VAT1L: variants seen among roughly 807,000 people sequenced by gnomAD.
The protein encoded by VAT1L is putative NADPH-dependent quinone oxidoreductase VAT1L.
VAT1L carries 34 observed loss-of-function variants against 44.1 expected under a neutral mutation model. The ratio of observed to expected loss-of-function variants is 0.77; its 90% confidence interval spans 0.59 to 1.03. The LOEUF (loss-of-function observed/expected upper bound fraction) is 1.03. VAT1L is among the 50% of genes least tolerant of loss of function. The pLI is 0.00. For synonymous variants in VAT1L, 253 were observed against 202.2 expected (o/e 1.25, Z -2.13); for missense variants, 615 against 538.8 (o/e 1.14, Z -1.40).
chr16:77,965,597 A>G (rs536788123), intron 7 of VAT1L, among the ~76,000 whole-genome samples: 1 of 152,296 alleles, frequency 6.6e-6, no homozygotes, highest in South Asian at 2.1e-4. Flanking sequence ...TCCAGCTGCC[A>G]AGACCAGATA....
At chr16:77,973,105 T>C (rs568337217) in intron 8 of VAT1L, among the ~76,000 whole-genome samples, 1 of 152,248 alleles carries the variant, frequency 6.6e-6, no homozygotes, top group South Asian at 2.1e-4. Flanking sequence ...GGAGGAACTA[T>C]GTAGTGGTGT....
chr16:77,864,494 T>C (rs2016949725), intron 4 of VAT1L, among the ~76,000 whole-genome samples: 1 of 152,130 alleles, frequency 6.6e-6, no homozygotes, highest in South Asian at 2.1e-4. Flanking sequence ...TAGTCTCAGC[T>C]ACTCAGAAGG....
At chr16:77,839,584 C>T (rs1007630352) in intron 3 of VAT1L, among the ~76,000 whole-genome samples, 19 of 69,232 alleles carry the variant, frequency 2.7e-4, no homozygotes, top group African/African-American at 1.1e-3. Context: ...TGGGCAAGAA[C>T]ATGAGACCTG....
At chr16:77,914,465 G>A (rs1025166520) in intron 7 of VAT1L, among the ~76,000 whole-genome samples, 8 of 152,142 alleles carry the variant, frequency 5.3e-5, no homozygotes, top group Admixed American at 5.2e-4. Flanking sequence ...ATCAGCAAAC[G>A]CTACAATCCG....
chr16:77,794,419 A>G (rs1381667007), intron 1 of VAT1L, among the ~76,000 whole-genome samples: 1 of 152,200 alleles, frequency 6.6e-6, no homozygotes, highest in Non-Finnish European at 1.5e-5. Flanking sequence ...CAGAACACCC[A>G]TGCTGATTAA....
chr16:77,926,818 C>A (rs2017674755), intron 7 of VAT1L, among the ~76,000 whole-genome samples: 1 of 152,140 alleles, frequency 6.6e-6, no homozygotes, highest in Non-Finnish European at 1.5e-5. Flanking sequence ...ATTCCGCTTG[C>A]AGTCTCCCTT....
At chr16:77,913,540 T>G (rs1174706605) in intron 7 of VAT1L, among the ~76,000 whole-genome samples, 1 of 151,804 alleles carries the variant, frequency 6.6e-6, no homozygotes, top group African/African-American at 2.4e-5. Context: ...CTATGATGCT[T>G]CCTTCAGTTG....
At position 77,862,741 on chromosome 16, in the gene VAT1L, C is replaced by T; in HGVS notation, c.580-7C>T. 1 of 1,610,820 alleles carries T rather than the reference C, an allele frequency of 6.2e-7. No homozygotes were observed. Among genetic ancestry groups the T allele is most frequent in the Non-Finnish European group, 8.5e-7 (1 of 1,178,482 alleles). ...TGTGTGACATAGCTATTGTCTTTTCCTTCCAGGGTCAAGCTGTGGCTCAGC... is the reference window on the plus strand; with the variant it reads ...TGTGTGACATAGCTATTGTCTTTTCTTTCCAGGGTCAAGCTGTGGCTCAGC... On this transcript the variant is annotated splice_polypyrimidine_tract_variant and splice_region_variant and intron_variant, in intron 3 of 8. Transcript: ENST00000302536.
intron 7 of VAT1L, among the ~76,000 whole-genome samples, chr16:77,963,409 A>G (rs1167777795): frequency 6.6e-6 from 1 of 152,114 alleles, no homozygotes; most frequent in Admixed American, 6.5e-5. Flanking sequence ...TAAAGACGGG[A>G]AAGTCAAGGA....
intron 4 of VAT1L, among the ~76,000 whole-genome samples, chr16:77,865,723 G>T (rs764843395): frequency 2.0e-5 from 3 of 152,210 alleles, no homozygotes; most frequent in Non-Finnish European, 4.4e-5. Context: ...GACTAGCAGG[G>T]ATGCCATGGG....
chr16:77,927,953 C>T (rs1293989544), intron 7 of VAT1L, among the ~76,000 whole-genome samples: 1 of 152,208 alleles, frequency 6.6e-6, no homozygotes, highest in Non-Finnish European at 1.5e-5. Flanking sequence ...AGTTCTGACT[C>T]TCTTTCTGCA....
At chr16:77,816,790 A>T (rs947098016) in intron 1 of VAT1L, 131 bp from the exon 2 acceptor site, 3 of 1,248,026 alleles carry the variant, frequency 2.4e-6, no homozygotes, top group Non-Finnish European at 2.1e-6. Context: ...AAAAAGAAAA[A>T]AAAAAGACAG....
chr16:77,971,623 C>T (rs2018278634), intron 7 of VAT1L, among the ~76,000 whole-genome samples: 1 of 152,174 alleles, frequency 6.6e-6, no homozygotes, highest in Non-Finnish European at 1.5e-5. Context: ...CAAGAGCTGT[C>T]ACCCTCACTT....
At chr16:77,927,605 C>T (rs944624302) in intron 7 of VAT1L, among the ~76,000 whole-genome samples, 2 of 151,984 alleles carry the variant, frequency 1.3e-5, no homozygotes, top group African/African-American at 4.8e-5. Context: ...TGGCCAGGCG[C>T]GGTAGCTTTT....
chr16:77,972,123 G>T (rs918459455), intron 8 of VAT1L, among the ~76,000 whole-genome samples, 190 bp downstream of exon 8: 4 of 152,114 alleles, frequency 2.6e-5, no homozygotes, highest in South Asian at 2.1e-4. Context: ...AAAAGGAAAG[G>T]CCAGTGCTTC....
intron 7 of VAT1L, among the ~76,000 whole-genome samples, chr16:77,923,123 G>A (rs1034007589): frequency 1.2e-4 from 19 of 152,114 alleles, no homozygotes; most frequent in African/African-American, 4.3e-4. Context: ...CCCGAACCTC[G>A]GCTTCTGGAG....
intron 7 of VAT1L, among the ~76,000 whole-genome samples, chr16:77,953,822 G>A (rs914560065): frequency 2.4e-4 from 36 of 152,088 alleles, no homozygotes; most frequent in African/African-American, 8.5e-4. Flanking sequence ...ATTTGAGCAC[G>A]TGTATCTCTA....
intron 7 of VAT1L, among the ~76,000 whole-genome samples, chr16:77,920,290 C>T (rs757581826): frequency 1.3e-5 from 2 of 151,966 alleles, no homozygotes; most frequent in African/African-American, 4.8e-5. Context: ...GTGTGAGTTA[C>T]GAATGTTCAA....
At chr16:77,926,898 G>T (rs543234679) in intron 7 of VAT1L, among the ~76,000 whole-genome samples, 1 of 152,060 alleles carries the variant, frequency 6.6e-6, no homozygotes, top group Admixed American at 6.6e-5. Flanking sequence ...CCACTCTATC[G>T]TGGCTACCCC....
Sources: allele counts gnomAD v4.1 joint callset (sites outside exome capture counted in the v4.1 genomes callset), GRCh38; gene constraint gnomAD v4.1.1; transcripts MANE v1.5; gene names NCBI Gene and HGNC (gene_info 2026-07-23, HGNC 2026-07-21).